The following FPR3 variants were observed in gnomAD, a reference collection of about 807,000 sequenced individuals.
FPR3 encodes formyl peptide receptor 3.
For synonymous variants in FPR3, 135 were observed against 163.6 expected (o/e 0.83, Z 1.34); for missense variants, 346 against 443.2 (o/e 0.78, Z 1.97).
intron 1 of FPR3, among the ~76,000 whole-genome samples, chr19:51,823,491 A>G (rs2084205856): frequency 6.6e-6 from 1 of 152,152 alleles, no homozygotes; most frequent in Non-Finnish European, 1.5e-5. Context: ...CCGCTGGTGG[A>G]CAGAGCCCTT....
intron 1 of FPR3, among the ~76,000 whole-genome samples, chr19:51,798,976 C>T (rs538588160): frequency 1.3e-5 from 2 of 152,088 alleles, no homozygotes; most frequent in South Asian, 2.1e-4. Context: ...ATTAGCCGGG[C>T]GTGGTGGTGG....
chr19:51,812,315 G>A (rs2084102965), intron 1 of FPR3, among the ~76,000 whole-genome samples: 1 of 152,124 alleles, frequency 6.6e-6, no homozygotes, highest in African/African-American at 2.4e-5. Flanking sequence ...TATCCACATT[G>A]CATCTCCACT....
At chr19:51,805,275 C>T (rs770152946) in intron 1 of FPR3, 6 of 152,164 alleles carry the variant, frequency 3.9e-5, no homozygotes, top group South Asian at 2.1e-4. Context: ...AAGACAGAGA[C>T]AAAACAACAT....
intron 1 of FPR3, among the ~76,000 whole-genome samples, chr19:51,796,578 C>A (rs2084000393): frequency 6.6e-6 from 1 of 152,144 alleles, no homozygotes; most frequent in African/African-American, 2.4e-5. Context: ...GGGCCATGGA[C>A]ACCGGTCGTG....
In FPR3 at chr19:51,812,101, C is replaced by T. The variant is rs148041410; in HGVS notation, c.-10-11638C>T. Among the ~76,000 whole-genome samples, 932 of 152,184 alleles carry T rather than the reference C, an allele frequency of 6.1e-3. 9 individuals are homozygous for T. The highest frequency in any genetic ancestry group is 0.019 in the African/African-American group (801 of 41,506). On this transcript the variant is annotated intron_variant, in intron 1 of 1. Coordinates refer to ENST00000339223, the MANE Select transcript of FPR3 (RefSeq NM_002030.5). ...AATAGCCTATGTTGGAGGTAGGTTG[C>T]TCTAAAACAGAATATGTTGGAGGTA...
chr19:51,798,487 A>C (rs984164380), intron 1 of FPR3, among the ~76,000 whole-genome samples: 3 of 152,224 alleles, frequency 2.0e-5, no homozygotes, highest in South Asian at 2.1e-4. Flanking sequence ...AGGAAAAAAG[A>C]AGGAAATGAG....
In FPR3 at chr19:51,824,153, C is replaced by A. The variant is rs768829213; in HGVS notation, c.405C>A (p.Asn135Lys). ...TCCTGCATCCAGCCTGGGCCCAGAA[C>A]CATCGCACCATGAGTCTGGCCAAGA... Reference protein sequence around the residue: ...ICVLHPAWAQNHRTMSLAKRV... With the variant: ...ICVLHPAWAQKHRTMSLAKRV... Residue 135 changes from asparagine to lysine, a missense_variant, in exon 2 of 2, where the codon AAC (asparagine) becomes AAA (lysine). Physicochemically the swap from Asn to Lys is moderately conservative, Grantham distance 94. Transcript: ENST00000339223. The surrounding 1 kb of genome is among the most constrained non-coding windows in gnomAD (Gnocchi z 4.7). 1.9e-6 allele frequency: 3 copies of A among 1,613,994 alleles called. No homozygotes were observed. Among genetic ancestry groups the A allele is most frequent in the Middle Eastern group, 1.7e-4 (1 of 6,060 alleles).
chr19:51,823,090 T>C (rs1339008920), intron 1 of FPR3, among the ~76,000 whole-genome samples: 1 of 152,148 alleles, frequency 6.6e-6, no homozygotes, highest in Non-Finnish European at 1.5e-5. Context: ...CTCCAACTCC[T>C]GATCTCAAGT....
intron 1 of FPR3, among the ~76,000 whole-genome samples, chr19:51,809,023 T>C (rs1326180346): frequency 6.6e-6 from 1 of 152,244 alleles, no homozygotes; most frequent in African/African-American, 2.4e-5. Flanking sequence ...AGCCCTTTTC[T>C]ATCTGTTTTT....
At chr19:51,823,652 G>C in intron 1 of FPR3, 87 bp from the exon 2 acceptor site, 1 of 1,023,454 alleles carries the variant, frequency 9.8e-7, no homozygotes, top group Non-Finnish European at 1.4e-6. Context: ...CTGCTGGTAG[G>C]AGGAGGAGCT....
Position 51,825,007 on chromosome 19 carries a change from C to A in FPR3, c.*197C>A. On this transcript the variant is annotated 3_prime_UTR_variant, in exon 2 of 2. Transcript: ENST00000339223. ...CAGCTGGGTGTCCTACAATTAAATTCCAACACTATCTACCTGGAGCTACTG... is the reference window on the plus strand; with the variant it reads ...CAGCTGGGTGTCCTACAATTAAATTACAACACTATCTACCTGGAGCTACTG... The A allele has an allele frequency of 1.7e-6, 1 of 575,794 alleles. No individual in the cohort carries two copies. Among genetic ancestry groups the A allele is most frequent in the Non-Finnish European group, 3.2e-6 (1 of 316,902 alleles). 35.7% of individuals were successfully genotyped at this position (575,794 alleles called of 1,614,324 possible). A position where few individuals can be genotyped will look rare whatever the true frequency, so the allele number is the denominator to read the frequency against.
intron 1 of FPR3, among the ~76,000 whole-genome samples, chr19:51,815,880 AAAAAAG>A (rs2084132546): frequency 6.9e-6 from 1 of 144,138 alleles, no homozygotes; most frequent in Non-Finnish European, 1.5e-5. Context: ...AAGAAAAAAG[AAAAAAG>A]AAAAAGAAGA....
chr19:51,818,864 A>T (rs1253699597), intron 1 of FPR3, among the ~76,000 whole-genome samples: 2 of 152,134 alleles, frequency 1.3e-5, no homozygotes, highest in Non-Finnish European at 2.9e-5. Context: ...TGCTGAGAAG[A>T]ATAACATCAT....
intron 1 of FPR3, among the ~76,000 whole-genome samples, chr19:51,813,160 A>ACACC (rs1555740553): frequency 1.6e-4 from 23 of 147,242 alleles, no homozygotes; most frequent in African/African-American, 3.3e-4. Context: ...ACACACACAC[A>ACACC]CCCCATAAAT....
intron 1 of FPR3, among the ~76,000 whole-genome samples, chr19:51,807,821 A>C (rs936144794): frequency 5.9e-5 from 9 of 152,242 alleles, no homozygotes; most frequent in Non-Finnish European, 1.3e-4. Flanking sequence ...GAGAGTCTAA[A>C]GGAACAATAA....
At chr19:51,816,141 G>A (rs977567284) in intron 1 of FPR3, among the ~76,000 whole-genome samples, 1 of 152,070 alleles carries the variant, frequency 6.6e-6, no homozygotes, top group Admixed American at 6.5e-5. Flanking sequence ...GGTGCCGGAA[G>A]GCTGAGTGCC....
At chr19:51,816,340 TG>T (rs1408400396) in intron 1 of FPR3, among the ~76,000 whole-genome samples, 2 of 152,210 alleles carry the variant, frequency 1.3e-5, no homozygotes, top group African/African-American at 4.8e-5. Flanking sequence ...CTCTTCTTCC[TG>T]GGTTCAAATG....
At chr19:51,797,108 G>A (rs1426427182) in intron 1 of FPR3, among the ~76,000 whole-genome samples, 1 of 152,178 alleles carries the variant, frequency 6.6e-6, no homozygotes, top group Non-Finnish European at 1.5e-5. Flanking sequence ...TGAAAAGGGA[G>A]AAAGTGATCC....
chr19:51,800,356 AAGAC>A (rs1419759215), intron 1 of FPR3, among the ~76,000 whole-genome samples: 1 of 152,120 alleles, frequency 6.6e-6, no homozygotes, highest in African/African-American at 2.4e-5. Context: ...AAGACACACA[AAGAC>A]AGAGTGTCTC....
Sources: gnomAD v4.1 joint callset for allele counts (sites outside exome capture counted in the v4.1 genomes callset) on GRCh38, gnomAD v4.1.1 for gene constraint, Gnocchi (gnomAD v3.1) non-coding constraint, MANE v1.5 for transcripts, NCBI Gene and HGNC (gene_info 2026-07-23, HGNC 2026-07-21) for gene names.